CNST: variants seen among roughly 807,000 people sequenced by gnomAD.
CNST encodes consortin.
A neutral mutation model predicts 72.4 loss-of-function variants in CNST; 39 were observed. The ratio of observed to expected loss-of-function variants is 0.54; its 90% confidence interval spans 0.42 to 0.70. CNST has a LOEUF of 0.70. CNST is among the 30% of genes least tolerant of loss of function. CNST has a pLI of 0.00. For missense variants in CNST, 871 were observed against 868.5 expected (o/e 1.00, Z -0.04); for synonymous variants, 332 against 320.1 (o/e 1.04, Z -0.40).
At chr1:246,579,966 C>T (rs923990120) in intron 1 of CNST, among the ~76,000 whole-genome samples, 1 of 152,206 alleles carries the variant, frequency 6.6e-6, no homozygotes, top group African/African-American at 2.4e-5. Flanking sequence ...GATTTCACAG[C>T]TGGCGAGTAT....
At chr1:246,659,033 G>T (rs1666921254) in intron 9 of CNST, among the ~76,000 whole-genome samples, 1 of 152,212 alleles carries the variant, frequency 6.6e-6, no homozygotes, top group African/African-American at 2.4e-5. Context: ...CCAAGTGAAA[G>T]AGCTAGAAGG....
intron 3 of CNST, among the ~76,000 whole-genome samples, chr1:246,629,418 G>C (rs914180708): frequency 6.6e-6 from 1 of 152,078 alleles, no homozygotes; most frequent in Non-Finnish European, 1.5e-5. Flanking sequence ...TTGAGGCACT[G>C]GGTTTCATAA....
intron 10 of CNST, among the ~76,000 whole-genome samples, chr1:246,664,400 G>T (rs562343855): frequency 6.6e-6 from 1 of 152,066 alleles, no homozygotes; most frequent in Admixed American, 6.6e-5. Context: ...TGTTGTCCCG[G>T]AATTGCATTC....
chr1:246,571,524 T>G (rs1366189842), intron 1 of CNST, among the ~76,000 whole-genome samples: 1 of 152,180 alleles, frequency 6.6e-6, no homozygotes, highest in African/African-American at 2.4e-5. Context: ...CATTATACCC[T>G]CCACCCTTCC....
rs777995070 is a variant in CNST at position 246,566,473 on chromosome 1, G to T, written c.-242G>T. On this transcript the variant is annotated 5_prime_UTR_variant, in exon 1 of 11. Transcript: ENST00000366513. Reference sequence around the variant, plus strand: ...TATGCTCCGCGGTCGCGGGCCGCCAGCCTCCAGCCGGCCAGCCGCGAGGGG... The same window carrying T: ...TATGCTCCGCGGTCGCGGGCCGCCATCCTCCAGCCGGCCAGCCGCGAGGGG... The T allele has an allele frequency of 1.3e-4, 58 of 442,894 alleles. No homozygotes were observed. The highest frequency in any genetic ancestry group is 2.2e-4 in the Non-Finnish European group (55 of 249,232). 27.4% of individuals were successfully genotyped at this position (442,894 alleles called of 1,614,324 possible).
intron 1 of CNST, among the ~76,000 whole-genome samples, chr1:246,582,253 A>T (rs528940994): frequency 1.3e-5 from 2 of 152,076 alleles, no homozygotes; most frequent in East Asian, 3.9e-4. Flanking sequence ...TCTGTTACTG[A>T]CAGTTATCAG....
chr1:246,613,604 T>C (rs1268154771), intron 2 of CNST, among the ~76,000 whole-genome samples: 1 of 148,348 alleles, frequency 6.7e-6, no homozygotes, highest in South Asian at 2.2e-4. Context: ...AATAGTAGTA[T>C]ACAATATTTG....
intron 9 of CNST, among the ~76,000 whole-genome samples, chr1:246,659,477 C>A (rs1256405286): frequency 6.6e-6 from 1 of 152,106 alleles, no homozygotes; most frequent in Admixed American, 6.5e-5. Flanking sequence ...TGCCTGTAGT[C>A]CCAGCTACCC....
intron 1 of CNST, among the ~76,000 whole-genome samples, chr1:246,583,294 T>C (rs1558531571): frequency 6.6e-6 from 1 of 152,260 alleles, no homozygotes; most frequent in Non-Finnish European, 1.5e-5. Context: ...TGATTTTCTG[T>C]AATGGAATTG....
chr1:246,652,878 C>G (rs1276048548), intron 9 of CNST, among the ~76,000 whole-genome samples: 2 of 151,078 alleles, frequency 1.3e-5, no homozygotes, highest in African/African-American at 2.4e-5. Context: ...GTGGCGGGCG[C>G]CTGTAGTCCC....
chr1:246,624,708 C>A (rs747066199), intron 3 of CNST, among the ~76,000 whole-genome samples: 9 of 152,196 alleles, frequency 5.9e-5, no homozygotes, highest in Non-Finnish European at 1.2e-4. Flanking sequence ...TAGTAATTCC[C>A]AGCACATCAC....
chr1:246,648,274 G>A (rs1666243754), intron 9 of CNST: 2 of 1,251,750 alleles, frequency 1.6e-6, no homozygotes, highest in Admixed American at 3.8e-5. Flanking sequence ...TCCAGCTAGA[G>A]TGAGCGTTAT....
chr1:246,585,990 G>A (rs1184548945), intron 1 of CNST, among the ~76,000 whole-genome samples: 2 of 151,494 alleles, frequency 1.3e-5, no homozygotes, highest in Admixed American at 1.3e-4. Context: ...TAAGGTGGGA[G>A]GATTGCTTGA....
At chr1:246,589,577 A>G (rs1409092737) in intron 1 of CNST, among the ~76,000 whole-genome samples, 2 of 152,148 alleles carry the variant, frequency 1.3e-5, no homozygotes, top group Non-Finnish European at 2.9e-5. Context: ...ATAAACATAC[A>G]TATGCATGTG....
intron 1 of CNST, among the ~76,000 whole-genome samples, chr1:246,582,953 C>T (rs960829268): frequency 1.3e-5 from 2 of 152,198 alleles, no homozygotes; most frequent in African/African-American, 4.8e-5. Flanking sequence ...CACTCATTCG[C>T]CCTGTCTGAG....
At chr1:246,657,224 C>T (rs1052895517) in intron 9 of CNST, among the ~76,000 whole-genome samples, 4 of 152,118 alleles carry the variant, frequency 2.6e-5, no homozygotes, top group Non-Finnish European at 4.4e-5. Context: ...AATAGAAAGG[C>T]TCGATGCTGT....
rs536280189 is a variant in CNST at position 246,568,786 on chromosome 1, A to G, written c.-52+2123A>G. 1.2e-4 allele frequency among the ~76,000 whole-genome samples: 19 copies of G among 152,336 alleles called. No individual in the cohort carries two copies. The East Asian group carries it at 3.7e-3, about 29-fold the overall frequency. On this transcript the variant is annotated intron_variant, in intron 1 of 10. Transcript: ENST00000366513. ...GAGACGGAGTTTCGCCATGTTGGCC[A>G]GGGTGGTCTTGACCTCAGGTGATCC...
intron 2 of CNST, among the ~76,000 whole-genome samples, chr1:246,610,366 T>C (rs539661867): frequency 4.2e-4 from 64 of 152,344 alleles, no homozygotes; most frequent in African/African-American, 1.5e-3. Flanking sequence ...TTTCCTACAT[T>C]GTCTTCCTGA....
intron 1 of CNST, among the ~76,000 whole-genome samples, chr1:246,578,588 T>G (rs1306611449): frequency 6.6e-6 from 1 of 152,118 alleles, no homozygotes; most frequent in Non-Finnish European, 1.5e-5. Flanking sequence ...GGAGAATTGC[T>G]TGAACCCGGG....
Sources: allele counts gnomAD v4.1 joint callset (sites outside exome capture counted in the v4.1 genomes callset), GRCh38; gene constraint gnomAD v4.1.1; transcripts MANE v1.5; gene names NCBI Gene and HGNC (gene_info 2026-07-23, HGNC 2026-07-21).